LINGO2: variants seen among roughly 807,000 people sequenced by gnomAD.
LINGO2 encodes leucine-rich repeat and immunoglobulin-like domain-containing nogo receptor-interacting protein 2.
Under a neutral mutation model 30.6 loss-of-function variants are expected in LINGO2, and 14 were observed. The observed-to-expected ratio is 0.46, with a 90% CI of 0.30 to 0.72. LINGO2 has a LOEUF of 0.72. LINGO2 is among the 30% of genes least tolerant of loss of function. The probability of loss-of-function intolerance (pLI) is 0.07; values close to 1 mark genes in which losing one functional copy is unlikely to be tolerated. For synonymous variants in LINGO2, 317 were observed against 288.5 expected (o/e 1.10, Z -1.00); for missense variants, 729 against 751.7 (o/e 0.97, Z 0.35).
At chr9:28,720,676 A>G in the LINGO2 span, among the ~76,000 whole-genome samples, 1 of 152,118 alleles carries the variant, frequency 6.6e-6, no homozygotes, top group Non-Finnish European at 1.5e-5. Flanking sequence ...ACAGCAACCT[A>G]ACTCTTAAAG....
the LINGO2 span, among the ~76,000 whole-genome samples, chr9:29,125,856 A>C: frequency 6.6e-6 from 1 of 152,146 alleles, no homozygotes; most frequent in Non-Finnish European, 1.5e-5. Flanking sequence ...TGAGATGTTC[A>C]TTCTAAATGT....
At chr9:28,959,896 T>C in the LINGO2 span, among the ~76,000 whole-genome samples, 1 of 152,144 alleles carries the variant, frequency 6.6e-6, no homozygotes, top group Non-Finnish European at 1.5e-5. Flanking sequence ...GCAATAACCA[T>C]GTGGGTAAAT....
the LINGO2 span, among the ~76,000 whole-genome samples, chr9:29,150,618 T>C: frequency 6.6e-6 from 1 of 152,118 alleles, no homozygotes; most frequent in Non-Finnish European, 1.5e-5. Context: ...AAGAACTTAA[T>C]AATACAGTTC....
chr9:28,059,273 C>T (rs915125789), intron 4 of LINGO2, among the ~76,000 whole-genome samples: 1 of 152,138 alleles, frequency 6.6e-6, no homozygotes, highest in Non-Finnish European at 1.5e-5. Context: ...ATTCTCACCA[C>T]CTGTTTCTTT....
chr9:29,035,859 C>G, the LINGO2 span, among the ~76,000 whole-genome samples: 1 of 151,782 alleles, frequency 6.6e-6, no homozygotes, highest in Non-Finnish European at 1.5e-5. Context: ...AACACAGAGA[C>G]AGGTAAATTG....
At chr9:28,922,931 G>A in the LINGO2 span, among the ~76,000 whole-genome samples, 1 of 152,146 alleles carries the variant, frequency 6.6e-6, no homozygotes, top group African/African-American at 2.4e-5. Context: ...TAATATAAAT[G>A]TCTTTATAAA....
chr9:28,496,802 G>T (rs556361615), intron 1 of LINGO2, among the ~76,000 whole-genome samples: 180 of 152,246 alleles, frequency 1.2e-3, no homozygotes, highest in African/African-American at 4.2e-3. Flanking sequence ...GGTACCAGTT[G>T]TTCCTTTCCA....
the LINGO2 span, among the ~76,000 whole-genome samples, chr9:29,080,215 A>G: frequency 6.6e-6 from 1 of 152,006 alleles, no homozygotes. Flanking sequence ...CTTCTAGATT[A>G]TCTAGTTTAT....
chr9:27,972,835 T>A (rs1164877612), intron 5 of LINGO2, among the ~76,000 whole-genome samples: 1 of 152,136 alleles, frequency 6.6e-6, no homozygotes. Context: ...AAATTAAACA[T>A]CTAAGAGATG....
chr9:28,103,742 G>T (rs995058628), intron 4 of LINGO2, among the ~76,000 whole-genome samples: 35 of 152,228 alleles, frequency 2.3e-4, no homozygotes, highest in African/African-American at 8.4e-4. Flanking sequence ...GACATATTGT[G>T]AAAAATAATC....
chr9:28,046,852 T>TA, intron 4 of LINGO2, among the ~76,000 whole-genome samples: 1 of 152,262 alleles, frequency 6.6e-6, no homozygotes, highest in Non-Finnish European at 1.5e-5. Context: ...TCACCTTCCA[T>TA]AAACTGACGT....
chr9:28,888,100 T>A, the LINGO2 span, among the ~76,000 whole-genome samples: 1 of 152,122 alleles, frequency 6.6e-6, no homozygotes, highest in Non-Finnish European at 1.5e-5. Flanking sequence ...ATGATTCATT[T>A]TTCTAAGTGA....
At chr9:28,417,617 A>G (rs1823017374) in intron 2 of LINGO2, among the ~76,000 whole-genome samples, 1 of 152,216 alleles carries the variant, frequency 6.6e-6, no homozygotes, top group Non-Finnish European at 1.5e-5. Flanking sequence ...ATGAACTCTT[A>G]TAGAACTCTC....
chr9:29,085,293 A>T, the LINGO2 span, among the ~76,000 whole-genome samples: 6 of 86,100 alleles, frequency 7.0e-5, no homozygotes, highest in African/African-American at 2.7e-4. Context: ...AAAAAAAAAA[A>T]AAAAAAAAAA....
the LINGO2 span, among the ~76,000 whole-genome samples, chr9:29,026,296 T>C: frequency 0.041 from 6,258 of 152,222 alleles, 197 homozygotes; most frequent in Admixed American, 0.083. Flanking sequence ...TCTAAAGGGC[T>C]GGGATTACAT....
chr9:28,045,443 A>G (rs1038250905), intron 4 of LINGO2, among the ~76,000 whole-genome samples: 2 of 152,160 alleles, frequency 1.3e-5, no homozygotes, highest in African/African-American at 4.8e-5. Flanking sequence ...TTCTCTTTGC[A>G]TATCTGAATG....
chr9:28,946,229 T>C, the LINGO2 span, among the ~76,000 whole-genome samples: 1 of 152,194 alleles, frequency 6.6e-6, no homozygotes, highest in East Asian at 1.9e-4. Context: ...TACTTCAAAG[T>C]AGGTAAAACA....
At chr9:28,487,193 T>G (rs1446819094) in intron 1 of LINGO2, among the ~76,000 whole-genome samples, 1 of 152,162 alleles carries the variant, frequency 6.6e-6, no homozygotes, top group Non-Finnish European at 1.5e-5. Flanking sequence ...TTTCATCCTC[T>G]GTACCTTTCC....
chr9:29,071,154 T>TTATTGTATTG, the LINGO2 span, among the ~76,000 whole-genome samples: 20,028 of 137,552 alleles, frequency 0.15, 1,688 homozygotes, highest in East Asian at 0.33. Flanking sequence ...TCACAGAGAA[T>TTATTGTATTG]TATTGTATTG....
Sources: gnomAD v4.1 joint callset for allele counts (sites outside exome capture counted in the v4.1 genomes callset) on GRCh38, gnomAD v4.1.1 for gene constraint, MANE v1.5 for transcripts, NCBI Gene and HGNC (gene_info 2026-07-23, HGNC 2026-07-21) for gene names.